The following UBE2L3 variants were observed in gnomAD, a reference collection of about 807,000 sequenced individuals.
UBE2L3 encodes the protein ubiquitin-conjugating enzyme E2 L3.
UBE2L3 carries 1 observed loss-of-function variant against 17.8 expected under a neutral mutation model. That is an observed-to-expected ratio of 0.06 (90% CI 0.02 to 0.27). The LOEUF is 0.27. Among genes scored for constraint, UBE2L3 ranks in the 10% least tolerant of loss-of-function variants. UBE2L3 has a pLI of 1.00. For missense variants in UBE2L3, 40 were observed against 192.6 expected, an observed-to-expected ratio of 0.21 and a Z score of 4.69; for synonymous variants, 44 against 68.5, an observed-to-expected ratio of 0.64 and a Z score of 1.76.
intron 3 of UBE2L3, among the ~76,000 whole-genome samples, chr22:21,618,568 T>TC (rs1929900037): frequency 6.6e-6 from 1 of 150,656 alleles, no homozygotes; most frequent in South Asian, 2.1e-4. Context: ...AGAGCGAGAC[T>TC]CCATCTCAAA....
chr22:21,573,768 C>T (rs145355715), intron 1 of UBE2L3, among the ~76,000 whole-genome samples: 4 of 152,304 alleles, frequency 2.6e-5, no homozygotes, highest in African/African-American at 4.8e-5. Flanking sequence ...GTGCTGCTTG[C>T]GTCTGACCTT....
intron 1 of UBE2L3, among the ~76,000 whole-genome samples, chr22:21,584,556 T>G (rs1051819657): frequency 3.3e-5 from 5 of 151,926 alleles, no homozygotes; most frequent in African/African-American, 1.2e-4. Context: ...CAGACTGGAG[T>G]GCAGTGGCAT....
At chr22:21,585,058 A>G (rs938663938) in intron 1 of UBE2L3, among the ~76,000 whole-genome samples, 1 of 152,248 alleles carries the variant, frequency 6.6e-6, no homozygotes, top group African/African-American at 2.4e-5. Context: ...GATGTATGTC[A>G]TCTTCACATT....
chr22:21,565,979 T>TG (rs1296369522), upstream of UBE2L3, among the ~76,000 whole-genome samples: 6 of 148,618 alleles, frequency 4.0e-5, no homozygotes, highest in Admixed American at 4.0e-4. Context: ...TCCTTTTTTT[T>TG]TTTTTTTTTT....
intron 3 of UBE2L3, among the ~76,000 whole-genome samples, chr22:21,612,412 G>A (rs1211799956): frequency 2.6e-5 from 4 of 151,892 alleles, no homozygotes; most frequent in Non-Finnish European, 5.9e-5. Context: ...TGCAACCTCC[G>A]CCTCCCGAGT....
chr22:21,567,750 G>C lies in UBE2L3; in HGVS notation c.6G>C (p.Ala2=), dbSNP rs1270639708. The part of the protein sequence containing the change: M[A]ASRRLMKELE... ...GGAGCAGCACCAAATCCAAGATGGC[G>C]GCCAGCAGGAGGCTGATGAAGGTAA... Residue 2 remains alanine, a synonymous_variant, in exon 1 of 4, where the codon GCG becomes GCC. Coordinates refer to ENST00000342192, the MANE Select transcript of UBE2L3 (RefSeq NM_003347.4). The C allele has an allele frequency of 6.3e-7, 1 of 1,583,480 alleles. No individual in the cohort carries two copies. Among genetic ancestry groups the C allele is most frequent in the Non-Finnish European group, 8.6e-7 (1 of 1,166,450 alleles).
At chr22:21,603,816 G>A (rs553221101) in intron 2 of UBE2L3, among the ~76,000 whole-genome samples, 1 of 147,716 alleles carries the variant, frequency 6.8e-6, no homozygotes, top group African/African-American at 2.6e-5. Context: ...CAGCCTGGGC[G>A]ACAGAGCCAG....
chr22:21,604,684 GA>G (rs1319584063), intron 2 of UBE2L3, among the ~76,000 whole-genome samples: 1 of 152,066 alleles, frequency 6.6e-6, no homozygotes, highest in African/African-American at 2.4e-5. Context: ...CTCTAATGTT[GA>G]AATTCACTTG....
At chr22:21,590,829 C>T (rs2148420752) in intron 1 of UBE2L3, among the ~76,000 whole-genome samples, 1 of 152,302 alleles carries the variant, frequency 6.6e-6, no homozygotes, top group East Asian at 1.9e-4. Flanking sequence ...CCTTCCCACC[C>T]CAGATTCCTT....
chr22:21,608,351 G>T (rs1443922216), intron 2 of UBE2L3, among the ~76,000 whole-genome samples: 3 of 152,172 alleles, frequency 2.0e-5, no homozygotes, highest in Non-Finnish European at 2.9e-5. Context: ...CTGGGCCTAA[G>T]AAGTCCACCC....
intron 2 of UBE2L3, among the ~76,000 whole-genome samples, chr22:21,606,414 G>T (rs1479615245): frequency 2.0e-5 from 3 of 152,158 alleles, no homozygotes; most frequent in Non-Finnish European, 4.4e-5. Flanking sequence ...CTGCCTCCCA[G>T]GTTCAAGTGA....
At chr22:21,567,277 C>T (rs1926674579), upstream of UBE2L3, among the ~76,000 whole-genome samples, 1 of 152,128 alleles carries the variant, frequency 6.6e-6, no homozygotes, top group Non-Finnish European at 1.5e-5. Context: ...GATTCTCCTG[C>T]CTCAGCCTCC....
At chr22:21,556,198 T>G (rs951250002) in intron 1 of UBE2L3, among the ~76,000 whole-genome samples, 1 of 152,160 alleles carries the variant, frequency 6.6e-6, no homozygotes, top group South Asian at 2.1e-4. Context: ...GTCACCGCAC[T>G]CCTGCCTGGG....
At chr22:21,570,469 A>AG (rs988131427) in intron 1 of UBE2L3, among the ~76,000 whole-genome samples, 2 of 152,198 alleles carry the variant, frequency 1.3e-5, no homozygotes, top group African/African-American at 4.8e-5. Context: ...AAGTAGGTTA[A>AG]GGGAGTTACC....
rs970421526 is a variant in UBE2L3 at position 21,567,785 on chromosome 22, T to C, written c.27+14T>C. The stretch of plus-strand genomic sequence containing the variant: ...AGGCTGATGAAGGTAAAAGCCATTC[T>C]CTGGCAGCGGCCGGGCGTGGGGCGG... On this transcript the variant is annotated intron_variant, in intron 1 of 3. Coordinates refer to ENST00000342192, the MANE Select transcript of UBE2L3 (RefSeq NM_003347.4). 6.3e-7 allele frequency: 1 copy of C among 1,578,374 alleles called. No individual in the cohort carries two copies. The highest frequency in any genetic ancestry group is 8.6e-7 in the Non-Finnish European group (1 of 1,163,352).
intron 2 of UBE2L3, among the ~76,000 whole-genome samples, chr22:21,596,629 C>A (rs1472046438): frequency 6.6e-6 from 1 of 152,088 alleles, no homozygotes; most frequent in Admixed American, 6.6e-5. Flanking sequence ...ACCTCCATCT[C>A]CCGGGTTCAA....
intron 2 of UBE2L3, among the ~76,000 whole-genome samples, chr22:21,604,274 T>C (rs1601430704): frequency 6.6e-6 from 1 of 151,852 alleles, no homozygotes; most frequent in African/African-American, 2.4e-5. Flanking sequence ...CTGACTTGGG[T>C]GGATTTTTGA....
intron 3 of UBE2L3, among the ~76,000 whole-genome samples, chr22:21,611,248 G>A (rs1046150004): frequency 6.6e-6 from 1 of 152,184 alleles, no homozygotes; most frequent in South Asian, 2.1e-4. Flanking sequence ...CCTTTCCAGT[G>A]CTCAGCCCTG....
At chr22:21,568,766 C>G (rs997822533) in intron 1 of UBE2L3, among the ~76,000 whole-genome samples, 14 of 152,076 alleles carry the variant, frequency 9.2e-5, no homozygotes, top group Non-Finnish European at 1.6e-4. Context: ...AGCCAGTTTC[C>G]TGAGGGGAGA....
Sources: gnomAD v4.1 joint callset for allele counts (sites outside exome capture counted in the v4.1 genomes callset) on GRCh38, gnomAD v4.1.1 for gene constraint, MANE v1.5 for transcripts, NCBI Gene and HGNC (gene_info 2026-07-23, HGNC 2026-07-21) for gene names.